The following MGST2 variants were observed in gnomAD, a reference collection of about 807,000 sequenced individuals.
MGST2 encodes glutathione peroxidase MGST2.
A neutral mutation model predicts 16.6 loss-of-function variants in MGST2; 9 were observed. That is an observed-to-expected ratio of 0.54 (90% confidence interval 0.33 to 0.95). MGST2 has a LOEUF of 0.95. Ranked by LOEUF, MGST2 falls within the 40% of genes least tolerant of loss-of-function variation. The pLI, the probability that MGST2 is intolerant of heterozygous loss-of-function variation, is 0.03. For missense variants in MGST2, 159 were observed against 175.1 expected (o/e 0.91, Z 0.52); for synonymous variants, 79 against 68.0 (o/e 1.16, Z -0.79).
chr4:139,748,869 G>T, the MGST2 span, among the ~76,000 whole-genome samples: 182 of 152,228 alleles, frequency 1.2e-3, no homozygotes, highest in Middle Eastern at 0.017. Context: ...AACTCAACCC[G>T]GCTTTGTTTT....
intron 5 of MGST2, chr4:139,717,162 A>C (rs1728009087): frequency 6.6e-6 from 1 of 152,604 alleles, no homozygotes; most frequent in Admixed American, 6.5e-5. Context: ...CGTAGTAAAA[A>C]CAAAACCAAA....
intron 5 of MGST2, among the ~76,000 whole-genome samples, chr4:139,712,323 A>AACTTAAATT (rs1213950609): frequency 1.3e-5 from 2 of 152,234 alleles, no homozygotes; most frequent in African/African-American, 4.8e-5. Context: ...AAACAGGGTT[A>AACTTAAATT]GCTTAAATTG....
downstream of MGST2, among the ~76,000 whole-genome samples, chr4:139,742,817 G>A (rs1729209696): frequency 6.6e-6 from 1 of 152,198 alleles, no homozygotes; most frequent in Admixed American, 6.5e-5. Context: ...AACTTTTAGT[G>A]AGGAATAAAT....
rs1728388538 is a variant in MGST2, at chr4:139,724,547, TTA to T, written c.*49-15661_*49-15660del. Among the ~76,000 whole-genome samples, 5 of 152,306 alleles carry T rather than the reference TTA, an allele frequency of 3.3e-5. No individual in the cohort carries two copies. In the South Asian group the frequency reaches 1.0e-3, roughly 32 times the overall value. ...ATAAAAGTTTGTATATATTTACATA[TTA>T]TATGTTTCTCTGCAAGAGGCTTCAT... is the stretch of plus-strand genomic sequence containing the variant. On this transcript the variant is annotated intron_variant, in intron 5 of 5. Transcript: ENST00000616265.
At chr4:139,747,135 A>T in the MGST2 span, among the ~76,000 whole-genome samples, 1 of 152,210 alleles carries the variant, frequency 6.6e-6, no homozygotes, top group African/African-American at 2.4e-5. Context: ...CAGAATGTGC[A>T]GGGAAGTCAA....
At chr4:139,743,835 T>C (rs1056555299), downstream of MGST2, among the ~76,000 whole-genome samples, 8 of 152,236 alleles carry the variant, frequency 5.3e-5, no homozygotes, top group African/African-American at 1.9e-4. Context: ...TTTTCTTTGA[T>C]GTAGTCACAG....
chr4:139,691,684 TGA>T (rs1491409204), intron 2 of MGST2, among the ~76,000 whole-genome samples: 308 of 140,618 alleles, frequency 2.2e-3, no homozygotes, highest in East Asian at 9.2e-3. Context: ...ATGATGATGA[TGA>T]TGATGATGAT....
intron 2 of MGST2, among the ~76,000 whole-genome samples, chr4:139,687,079 A>C (rs1315637418): frequency 9.2e-5 from 14 of 152,246 alleles, no homozygotes; most frequent in Admixed American, 2.0e-4. Flanking sequence ...GTTACTATTT[A>C]TAAAGTAAGT....
chr4:139,748,291 G>C, the MGST2 span, among the ~76,000 whole-genome samples: 10 of 152,222 alleles, frequency 6.6e-5, no homozygotes, highest in African/African-American at 2.4e-4. Flanking sequence ...GGGGTTTCTA[G>C]GGCTGGTCAC....
At chr4:139,682,711 A>G (rs894918400) in intron 2 of MGST2, among the ~76,000 whole-genome samples, 2 of 152,182 alleles carry the variant, frequency 1.3e-5, no homozygotes, top group African/African-American at 4.8e-5. Flanking sequence ...CAGAAAATGC[A>G]TTTAGAATTC....
intron 5 of MGST2, among the ~76,000 whole-genome samples, chr4:139,727,594 T>C (rs6850715): frequency 0.12 from 18,535 of 152,244 alleles, 1,324 homozygotes; most frequent in Non-Finnish European, 0.16. Context: ...ATTTGTAAAA[T>C]GATGGGACTT....
At chr4:139,668,595 C>CAG (rs200533863) in intron 1 of MGST2, among the ~76,000 whole-genome samples, 13,200 of 134,850 alleles carry the variant, frequency 0.098, 1,172 homozygotes, top group African/African-American at 0.25. Context: ...AAGAAAGACA[C>CAG]AGAGAGAGAG....
the MGST2 span, among the ~76,000 whole-genome samples, chr4:139,747,280 G>C: frequency 6.6e-6 from 1 of 152,172 alleles, no homozygotes; most frequent in African/African-American, 2.4e-5. Flanking sequence ...TGGGAGGAGG[G>C]AGAAGAGTGC....
At chr4:139,695,095 A>G in intron 2 of MGST2, 102 bp from the exon 3 acceptor site, 1 of 802,230 alleles carries the variant, frequency 1.2e-6, no homozygotes, top group South Asian at 1.5e-5. Context: ...AAGTTCTTAT[A>G]TTTTGTTAAA....
chr4:139,704,137 CG>C lies in MGST2; in HGVS notation c.435del (p.Gln146AsnfsTer9), dbSNP rs781536050. 1 of 1,614,130 alleles carries C rather than the reference CG, an allele frequency of 6.2e-7. No homozygotes were observed. ...CCTCAATATTGCCAAGAAACTGAGG[CG>C]GCAATTCTAACTTTTTCTCTTCCCT... The part of the protein sequence containing the change: ...LDLNIAKKLR[R>X]QF On this transcript the variant is annotated frameshift_variant, in exon 5 of 5. Coordinates refer to ENST00000265498, the MANE Select transcript of MGST2 (RefSeq NM_002413.5). LOFTEE classifies it high-confidence loss of function.
At chr4:139,745,140 G>A (rs1024900679), downstream of MGST2, among the ~76,000 whole-genome samples, 3 of 151,192 alleles carry the variant, frequency 2.0e-5, no homozygotes, top group African/African-American at 4.9e-5. Context: ...AGAAGAGAAG[G>A]AAGGAAGGAG....
Position 139,695,277 on chromosome 4 carries a change from A to C in MGST2, c.229+10A>C. 1.3e-6 allele frequency: 2 copies of C among 1,592,976 alleles called. No homozygotes were observed. Among genetic ancestry groups the C allele is most frequent in the Non-Finnish European group, 1.7e-6 (2 of 1,160,698 alleles). ...TGGTATTTCAACCAAGGTAATGTTAAAATACAGTCAACTGTGTTCTAATGA... is the reference window on the plus strand; with the variant it reads ...TGGTATTTCAACCAAGGTAATGTTACAATACAGTCAACTGTGTTCTAATGA... On this transcript the variant is annotated intron_variant, in intron 3 of 4. Transcript: ENST00000265498.
At chr4:139,698,468 A>C in intron 3 of MGST2, 1 of 1,171,392 alleles carries the variant, frequency 8.5e-7, no homozygotes, top group East Asian at 2.3e-5. Flanking sequence ...TAGAGGGCGC[A>C]CTCTTGCGAG....
downstream of MGST2, among the ~76,000 whole-genome samples, chr4:139,741,238 C>T (rs1211509493): frequency 6.6e-6 from 1 of 152,132 alleles, no homozygotes; most frequent in Admixed American, 6.5e-5. Flanking sequence ...TTGTGGCTGA[C>T]GACCAGCTTC....
Sources: allele counts gnomAD v4.1 joint callset (sites outside exome capture counted in the v4.1 genomes callset), GRCh38; gene constraint gnomAD v4.1.1; transcripts MANE v1.5; gene names NCBI Gene and HGNC (gene_info 2026-07-23, HGNC 2026-07-21).